Variants in PLCZ1 observed in about 807,000 individuals in gnomAD.
The protein encoded by PLCZ1 is 1-phosphatidylinositol 4,5-bisphosphate phosphodiesterase zeta-1.
A neutral mutation model predicts 76.8 loss-of-function variants in PLCZ1; 64 were observed. That is an observed-to-expected ratio of 0.83 (90% CI 0.68 to 1.03). PLCZ1 has a LOEUF of 1.03. Ranked by LOEUF, PLCZ1 falls within the 50% of genes least tolerant of loss-of-function variation. The pLI is 0.00. For synonymous variants in PLCZ1, 248 were observed against 230.8 expected, an observed-to-expected ratio of 1.07 and a Z score of -0.68; for missense variants, 751 against 713.7, an observed-to-expected ratio of 1.05 and a Z score of -0.60.
intron 12 of PLCZ1, among the ~76,000 whole-genome samples, chr12:18,688,621 C>T (rs1268032161): frequency 6.6e-6 from 1 of 150,944 alleles, no homozygotes; most frequent in Non-Finnish European, 1.5e-5. Flanking sequence ...AAAAATGTAC[C>T]ATTTAACTCC....
chr12:18,734,688 A>G (rs1343374239), intron 3 of PLCZ1, among the ~76,000 whole-genome samples: 1 of 152,136 alleles, frequency 6.6e-6, no homozygotes, highest in Non-Finnish European at 1.5e-5. Flanking sequence ...AGGAGTTTCT[A>G]CATGTAAGAT....
intron 1 of PLCZ1, 90 bp from the exon 2 acceptor site, chr12:18,737,599 AT>A: frequency 3.0e-6 from 2 of 660,478 alleles, no homozygotes; most frequent in Non-Finnish European, 2.7e-6. Flanking sequence ...AGTATGCAAG[AT>A]GTGGTACCTG....
At chr12:18,702,007 C>T (rs1956004837) in intron 7 of PLCZ1, among the ~76,000 whole-genome samples, 1 of 152,012 alleles carries the variant, frequency 6.6e-6, no homozygotes, top group African/African-American at 2.4e-5. Context: ...TTGAGACTTA[C>T]CATATGCCAT....
the PLCZ1 span, among the ~76,000 whole-genome samples, chr12:18,661,937 T>TA: frequency 6.6e-6 from 1 of 151,876 alleles, no homozygotes; most frequent in Non-Finnish European, 1.5e-5. Flanking sequence ...TACACATCCA[T>TA]AAAAAAAGAA....
chr12:18,667,876 C>T, the PLCZ1 span, among the ~76,000 whole-genome samples: 2 of 152,108 alleles, frequency 1.3e-5, no homozygotes, highest in Non-Finnish European at 2.9e-5. Flanking sequence ...AGATTCTGCC[C>T]ATGGTTCTAG....
At chr12:18,696,363 A>G (rs1000831427) in intron 10 of PLCZ1, 97 bp from the exon 11 acceptor site, 1 of 185,726 alleles carries the variant, frequency 5.4e-6, no homozygotes, top group Non-Finnish European at 8.1e-6. Context: ...ATATAATTCT[A>G]TAATAGTTTC....
chr12:18,650,700 GTGTGTATATATCTATATATATATATATA>G, the PLCZ1 span, among the ~76,000 whole-genome samples: 2 of 43,840 alleles, frequency 4.6e-5, no homozygotes, highest in African/African-American at 9.2e-5. Context: ...GTGTGTGTGT[GTGTGTATATATCTATATATATATATATA>G]TATATATATA....
chr12:18,713,362 A>G (rs1957569867), intron 5 of PLCZ1, among the ~76,000 whole-genome samples: 1 of 152,152 alleles, frequency 6.6e-6, no homozygotes, highest in Non-Finnish European at 1.5e-5. Context: ...TCAATGCCAT[A>G]CCATTCAAAA....
chr12:18,691,806 C>T (rs536433616), intron 12 of PLCZ1, among the ~76,000 whole-genome samples: 2 of 152,298 alleles, frequency 1.3e-5, no homozygotes, highest in South Asian at 4.1e-4. Context: ...AATGCTTCTA[C>T]ATCAGAGTCA....
intron 6 of PLCZ1, among the ~76,000 whole-genome samples, chr12:18,705,840 T>C (rs1296807296): frequency 1.3e-5 from 2 of 151,972 alleles, no homozygotes; most frequent in African/African-American, 2.4e-5. Flanking sequence ...CATTCCAGCC[T>C]GGGTGACAGA....
the PLCZ1 span, among the ~76,000 whole-genome samples, chr12:18,650,664 ATGTGTGTGTGTGTGTGTGTGTG>A: frequency 2.8e-5 from 1 of 35,594 alleles, no homozygotes; most frequent in Non-Finnish European, 5.4e-5. Flanking sequence ...TGGAATATAA[ATGTGTGTGTGTGTGTGTGTGTG>A]TGTGTGTGTG....
At chr12:18,724,549 T>TG (rs563660146) in intron 3 of PLCZ1, among the ~76,000 whole-genome samples, 294 of 152,268 alleles carry the variant, frequency 1.9e-3, no homozygotes, top group Non-Finnish European at 3.0e-3. Flanking sequence ...TGTGTCATGG[T>TG]GGGATCTGTG....
rs1188705214 is a variant in PLCZ1, at chr12:18,683,421, C to T, written c.1742-97G>A. On this transcript the variant is annotated intron_variant, in intron 14 of 14. Coordinates refer to ENST00000266505, the MANE Select transcript of PLCZ1 (RefSeq NM_033123.4). ...AAACAAGAGCTCTTTACTAAGCCTA[C>T]ATTAAAAACCATGACTATAGAGTTA... is the stretch of plus-strand genomic sequence containing the variant. 2.8e-6 allele frequency: 4 copies of T among 1,446,628 alleles called. No homozygotes were observed. The African/African-American group carries it at 4.2e-5, about 15-fold the overall frequency. 89.6% of individuals were successfully genotyped at this position (1,446,628 alleles called of 1,614,324 possible).
At chr12:18,666,202 A>C in the PLCZ1 span, among the ~76,000 whole-genome samples, 1 of 152,138 alleles carries the variant, frequency 6.6e-6, no homozygotes, top group Non-Finnish European at 1.5e-5. Context: ...GATATTGCCT[A>C]TAGAAAACAA....
chr12:18,736,730 G>A (rs1437125209), intron 2 of PLCZ1: 16 of 1,239,560 alleles, frequency 1.3e-5, no homozygotes, highest in Non-Finnish European at 1.7e-5. Flanking sequence ...CCAGAAAGGT[G>A]AGCAAATTAA....
intron 6 of PLCZ1, among the ~76,000 whole-genome samples, chr12:18,706,188 C>T (rs143055878): frequency 0.021 from 3,186 of 151,320 alleles, 131 homozygotes; most frequent in African/African-American, 0.075. Context: ...GCCGAGATTG[C>T]ACCATTGCAC....
chr12:18,711,812 A>G (rs1957382571), intron 6 of PLCZ1, among the ~76,000 whole-genome samples: 1 of 152,028 alleles, frequency 6.6e-6, no homozygotes, highest in Admixed American at 6.6e-5. Context: ...GTGTGAGTTC[A>G]AGAAAGAGAC....
At chr12:18,659,391 A>G in the PLCZ1 span, among the ~76,000 whole-genome samples, 2,722 of 152,234 alleles carry the variant, frequency 0.018, 84 homozygotes, top group African/African-American at 0.062. Flanking sequence ...TCCCTAAATC[A>G]CTTGGGATTA....
chr12:18,711,149 G>A (rs571133615), intron 6 of PLCZ1, among the ~76,000 whole-genome samples: 23 of 151,814 alleles, frequency 1.5e-4, no homozygotes, highest in African/African-American at 2.7e-4. Flanking sequence ...ATCCAACAAC[G>A]ATAGACTGGA....
Sources: allele counts gnomAD v4.1 joint callset (sites outside exome capture counted in the v4.1 genomes callset), GRCh38; gene constraint gnomAD v4.1.1; transcripts MANE v1.5; gene names NCBI Gene and HGNC (gene_info 2026-07-23, HGNC 2026-07-21).